The following SDK1 variants were observed in gnomAD, a reference collection of about 807,000 sequenced individuals.
SDK1 encodes sidekick cell adhesion molecule 1, also known as protein sidekick-1.
A neutral mutation model predicts 245.5 loss-of-function variants in SDK1; 157 were observed. The ratio of observed to expected loss-of-function variants is 0.64; its 90% CI spans 0.56 to 0.73. SDK1 has a LOEUF of 0.73. SDK1 is among the 30% of genes least tolerant of loss of function. The probability of loss-of-function intolerance (pLI) is 0.00; values close to 1 mark genes in which losing one functional copy is unlikely to be tolerated. For synonymous variants in SDK1, 1,647 were observed against 1,278.5 expected, an observed-to-expected ratio of 1.29 and a Z score of -6.15; for missense variants, 3,583 against 3,002.3, an observed-to-expected ratio of 1.19 and a Z score of -4.52.
chr7:3,473,915 G>A (rs1781261353), intron 1 of SDK1, among the ~76,000 whole-genome samples: 1 of 151,884 alleles, frequency 6.6e-6, no homozygotes, highest in South Asian at 2.1e-4. Flanking sequence ...GGTAGTGGAA[G>A]GAATGTGGAC....
intron 4 of SDK1, among the ~76,000 whole-genome samples, chr7:3,753,831 A>G (rs1481663861): frequency 4.6e-5 from 7 of 152,236 alleles, no homozygotes; most frequent in Non-Finnish European, 8.8e-5. Context: ...CTAGAATTGA[A>G]TACTTGGTAT....
chr7:3,888,915 A>G (rs771348604), intron 5 of SDK1, among the ~76,000 whole-genome samples: 5 of 152,370 alleles, frequency 3.3e-5, no homozygotes, highest in Middle Eastern at 3.4e-3. Context: ...TAAAAATTGC[A>G]AGAGTGTTAA....
At chr7:3,500,871 A>C (rs1403570843) in intron 1 of SDK1, among the ~76,000 whole-genome samples, 1 of 151,762 alleles carries the variant, frequency 6.6e-6, no homozygotes, top group African/African-American at 2.4e-5. Flanking sequence ...TCATTTTCCA[A>C]CTGATATTAT....
chr7:3,828,987 A>G (rs1418022917), intron 5 of SDK1, among the ~76,000 whole-genome samples: 1 of 152,028 alleles, frequency 6.6e-6, no homozygotes, highest in Non-Finnish European at 1.5e-5. Flanking sequence ...TAGTTTTTTC[A>G]GAGGCTGTGA....
chr7:3,340,766 CAA>C (rs56932562), intron 1 of SDK1, among the ~76,000 whole-genome samples: 18,072 of 125,282 alleles, frequency 0.14, 1,598 homozygotes, highest in African/African-American at 0.28. Context: ...GACCCCGTCT[CAA>C]AAAAAAAAAA....
At chr7:3,554,077 G>C (rs1332998131) in intron 1 of SDK1, among the ~76,000 whole-genome samples, 1 of 152,198 alleles carries the variant, frequency 6.6e-6, no homozygotes, top group African/African-American at 2.4e-5. Flanking sequence ...CAAGGATGTA[G>C]AAGGTCTGAA....
chr7:3,524,328 G>A (rs906608716), intron 1 of SDK1, among the ~76,000 whole-genome samples: 7 of 152,156 alleles, frequency 4.6e-5, no homozygotes, highest in African/African-American at 1.4e-4. Context: ...AAATTACTGT[G>A]GTTGCGGTGT....
intron 14 of SDK1, among the ~76,000 whole-genome samples, chr7:4,008,694 G>A (rs1785697212): frequency 6.6e-6 from 1 of 152,194 alleles, no homozygotes; most frequent in African/African-American, 2.4e-5. Context: ...GCATGCCTGG[G>A]CATCTAACAA....
chr7:3,491,476 A>G (rs1463406820), intron 1 of SDK1, among the ~76,000 whole-genome samples: 1 of 152,240 alleles, frequency 6.6e-6, no homozygotes, highest in Non-Finnish European at 1.5e-5. Flanking sequence ...TGTTACAGAA[A>G]TATGTCGTTG....
At chr7:3,906,847 C>G (rs151075354) in intron 5 of SDK1, among the ~76,000 whole-genome samples, 1 of 152,004 alleles carries the variant, frequency 6.6e-6, no homozygotes, top group Non-Finnish European at 1.5e-5. Context: ...CTAGGCTGGT[C>G]GCAAACTCCT....
At chr7:4,161,731 G>T in intron 31 of SDK1, 55 bp from the exon 32 acceptor site, 1 of 1,475,684 alleles carries the variant, frequency 6.8e-7, no homozygotes, top group Non-Finnish European at 9.5e-7. Context: ...CCTGGGAAGG[G>T]CGGCAGAACA....
chr7:3,895,307 C>A (rs1026723721), intron 5 of SDK1, among the ~76,000 whole-genome samples: 9 of 152,156 alleles, frequency 5.9e-5, no homozygotes, highest in African/African-American at 2.2e-4. Flanking sequence ...GTGCTTTCAT[C>A]TTTATAGAAA....
intron 14 of SDK1, among the ~76,000 whole-genome samples, chr7:3,988,268 C>G (rs891811899): frequency 2.0e-5 from 3 of 151,718 alleles, no homozygotes; most frequent in African/African-American, 7.3e-5. Flanking sequence ...ACCCCAGCCC[C>G]CACCTCCACA....
intron 35 of SDK1, among the ~76,000 whole-genome samples, chr7:4,193,372 T>TTATTTATTTATATATATATATATA (rs1554257058): frequency 9.7e-6 from 1 of 103,086 alleles, no homozygotes; most frequent in African/African-American, 3.9e-5. Context: ...ATTAAAATAT[T>TTATTTATTTATATATATATATATA]TATATATATA....
intron 4 of SDK1, among the ~76,000 whole-genome samples, chr7:3,747,776 G>C (rs369364243): frequency 6.6e-6 from 1 of 152,036 alleles, no homozygotes; most frequent in African/African-American, 2.4e-5. Context: ...GGAGTGGTAA[G>C]AGGCAGGGAG....
chr7:4,051,088 A>G (rs1470515157), intron 18 of SDK1, among the ~76,000 whole-genome samples: 1 of 140,530 alleles, frequency 7.1e-6, no homozygotes. Context: ...TATATAGTAT[A>G]CTATATGTGT....
intron 4 of SDK1, among the ~76,000 whole-genome samples, chr7:3,695,999 C>A (rs1490341513): frequency 2.0e-5 from 3 of 152,148 alleles, no homozygotes; most frequent in African/African-American, 7.2e-5. Context: ...TTTCCTCCCA[C>A]CGTTCTTCCC....
chr7:3,467,636 A>T (rs1781049250), intron 1 of SDK1, among the ~76,000 whole-genome samples: 1 of 152,078 alleles, frequency 6.6e-6, no homozygotes, highest in Non-Finnish European at 1.5e-5. Context: ...TGCAGCTATT[A>T]AATTTTCTTA....
chr7:3,466,839 A>G (rs539330411), intron 1 of SDK1, among the ~76,000 whole-genome samples: 1 of 152,006 alleles, frequency 6.6e-6, no homozygotes, highest in Non-Finnish European at 1.5e-5. Flanking sequence ...ATTTTTACCA[A>G]TTATTTACTG....
Sources: gnomAD v4.1 joint callset for allele counts (sites outside exome capture counted in the v4.1 genomes callset) on GRCh38, gnomAD v4.1.1 for gene constraint, MANE v1.5 for transcripts, NCBI Gene and HGNC (gene_info 2026-07-23, HGNC 2026-07-21) for gene names.